The following DEUP1 variants were observed in gnomAD, a reference collection of about 807,000 sequenced individuals.
DEUP1 encodes the protein coiled-coil domain containing 67.
In DEUP1, 82 loss-of-function variants were observed where a neutral mutation model predicts 87.4. The observed-to-expected ratio is 0.94, with a 90% CI of 0.78 to 1.13. The LOEUF is 1.13. Ranked by LOEUF, DEUP1 falls within the 50% of genes most tolerant of loss-of-function variation. The probability of loss-of-function intolerance (pLI) is 0.00; values close to 1 mark genes in which losing one functional copy is unlikely to be tolerated. For missense variants in DEUP1, 663 were observed against 681.5 expected (o/e 0.97, Z 0.30); for synonymous variants, 214 against 222.7 (o/e 0.96, Z 0.35).
chr11:93,339,274 A>G (rs368090043), intron 2 of DEUP1, among the ~76,000 whole-genome samples: 251 of 152,366 alleles, frequency 1.6e-3, no homozygotes, highest in African/African-American at 5.6e-3. Context: ...TGGCCAACCC[A>G]TAGTGCCGTG....
chr11:93,415,117 G>A lies in DEUP1; in HGVS notation c.1638+3G>A, dbSNP rs1412414073. On this transcript the variant is annotated splice_donor_region_variant and intron_variant, in intron 13 of 13. Transcript: ENST00000298050. ...GTGATGATGATGTATTCCCACTGGT[G>A]AGTTGCTGGTTGTGGGCTTTTTTTT... is the stretch of plus-strand genomic sequence containing the variant. The A allele has an allele frequency of 6.3e-7, 1 of 1,590,598 alleles. No homozygotes were observed. The highest frequency in any genetic ancestry group is 8.6e-7 in the Non-Finnish European group (1 of 1,160,668).
chr11:93,373,650 T>TATATAC (rs1239179001), intron 7 of DEUP1, among the ~76,000 whole-genome samples: 1 of 140,468 alleles, frequency 7.1e-6, no homozygotes, highest in Non-Finnish European at 1.6e-5. Flanking sequence ...TATATATATA[T>TATATAC]ACGTATATAT....
rs1946687681 is a variant in DEUP1, at chr11:93,389,158, T to G, written c.1041+33T>G. On this transcript the variant is annotated intron_variant, in intron 9 of 13. Coordinates refer to ENST00000298050, the MANE Select transcript of DEUP1 (RefSeq NM_181645.4). Reference sequence around the variant, plus strand: ...AAATAATGAGCTCCATTCTTCCAGGTAGATGTGAACTCTTTACATACAAAG... The same window carrying G: ...AAATAATGAGCTCCATTCTTCCAGGGAGATGTGAACTCTTTACATACAAAG... 3 of 1,232,048 alleles carry G rather than the reference T, an allele frequency of 2.4e-6. No individual in the cohort carries two copies. In the South Asian group the frequency reaches 4.1e-5, roughly 17 times the overall value. 76.3% of individuals were successfully genotyped at this position (1,232,048 alleles called of 1,614,324 possible).
intron 2 of DEUP1, among the ~76,000 whole-genome samples, chr11:93,352,848 AC>A (rs1944693408): frequency 6.6e-6 from 1 of 152,004 alleles, no homozygotes; most frequent in Admixed American, 6.6e-5. Context: ...TTACCTCCCC[AC>A]CCCAGGTCTC....
At chr11:93,382,965 G>T (rs61919178) in intron 7 of DEUP1, among the ~76,000 whole-genome samples, 36,821 of 152,048 alleles carry the variant, frequency 0.24, 4,788 homozygotes, top group South Asian at 0.37. Context: ...AAGTTCTGGG[G>T]CTAAAGTAAT....
At chr11:93,341,196 T>C (rs1044449298) in intron 2 of DEUP1, among the ~76,000 whole-genome samples, 3 of 151,962 alleles carry the variant, frequency 2.0e-5, no homozygotes, top group Admixed American at 6.6e-5. Flanking sequence ...GGCAGGAGGA[T>C]TGCTTGGCAC....
chr11:93,397,958 G>A (rs1044665960), intron 11 of DEUP1, among the ~76,000 whole-genome samples: 2 of 151,756 alleles, frequency 1.3e-5, no homozygotes, highest in African/African-American at 4.8e-5. Context: ...TTACATAAGG[G>A]CAATTTTAGT....
chr11:93,420,400 A>G (rs1409650579), intron 13 of DEUP1, among the ~76,000 whole-genome samples: 1 of 152,262 alleles, frequency 6.6e-6, no homozygotes, highest in Admixed American at 6.5e-5. Flanking sequence ...TTAGGTATTC[A>G]TGGGACGTAT....
At chr11:93,393,012 TCCTCCTCTGAGC>T (rs1946815671) in intron 9 of DEUP1, among the ~76,000 whole-genome samples, 1 of 124,626 alleles carries the variant, frequency 8.0e-6, no homozygotes, top group South Asian at 3.1e-4. Flanking sequence ...TTTCTCCTCC[TCCTCCTCTGAGC>T]CCTCCTCCTC....
At chr11:93,399,753 A>T (rs1947059892) in intron 11 of DEUP1, among the ~76,000 whole-genome samples, 2 of 151,866 alleles carry the variant, frequency 1.3e-5, no homozygotes, top group South Asian at 2.1e-4. Flanking sequence ...CTTTTCTGAG[A>T]TACAAAATCA....
intron 12 of DEUP1, 123 bp from the exon 13 acceptor site, chr11:93,414,877 A>G: frequency 2.2e-6 from 1 of 460,496 alleles, no homozygotes; most frequent in South Asian, 6.2e-5. Flanking sequence ...CACCCAGGTA[A>G]CAAGCCCAAA....
chr11:93,344,348 T>C (rs1038483267), intron 2 of DEUP1, among the ~76,000 whole-genome samples: 2 of 152,142 alleles, frequency 1.3e-5, no homozygotes, highest in Admixed American at 6.6e-5. Flanking sequence ...CAAATAAGTA[T>C]GTAATATATT....
At chr11:93,359,776 C>A (rs983095417) in intron 4 of DEUP1, among the ~76,000 whole-genome samples, 1 of 152,168 alleles carries the variant, frequency 6.6e-6, no homozygotes, top group African/African-American at 2.4e-5. Flanking sequence ...ACAACAACAA[C>A]AAAAACTATA....
intron 7 of DEUP1, among the ~76,000 whole-genome samples, chr11:93,374,611 G>T (rs1265364187): frequency 1.3e-5 from 2 of 151,982 alleles, no homozygotes; most frequent in Admixed American, 6.6e-5. Context: ...TTTATTTCTG[G>T]GTTCTCTATT....
chr11:93,427,460 A>G (rs1947957660), intron 13 of DEUP1, among the ~76,000 whole-genome samples: 1 of 152,124 alleles, frequency 6.6e-6, no homozygotes, highest in African/African-American at 2.4e-5. Flanking sequence ...CTTACACCTT[A>G]TACAAAAATT....
intron 8 of DEUP1, among the ~76,000 whole-genome samples, chr11:93,386,568 TCTTCAAAGTTGTGAGAC>T (rs1335837947): frequency 1.4e-4 from 22 of 152,210 alleles, no homozygotes; most frequent in African/African-American, 5.1e-4. Flanking sequence ...AATAATTATT[TCTTCAAAGTTGTGAGAC>T]CTTCAAAGTT....
chr11:93,366,525 C>T (rs1359737043), intron 5 of DEUP1, among the ~76,000 whole-genome samples: 1 of 152,138 alleles, frequency 6.6e-6, no homozygotes, highest in Admixed American at 6.5e-5. Context: ...GTGACAACTC[C>T]AGTCTCTATA....
chr11:93,435,934 T>C (rs1046972539), intron 13 of DEUP1, among the ~76,000 whole-genome samples: 31 of 150,302 alleles, frequency 2.1e-4, no homozygotes, highest in African/African-American at 7.4e-4. Context: ...AGGTGGAGCT[T>C]GCAGTGAGCC....
chr11:93,336,229 C>A (rs568875843), intron 2 of DEUP1, among the ~76,000 whole-genome samples: 13 of 152,196 alleles, frequency 8.5e-5, no homozygotes, highest in African/African-American at 2.4e-4. Flanking sequence ...TTTTATGTGG[C>A]CAGAGCAGGA....
Sources: allele counts gnomAD v4.1 joint callset (sites outside exome capture counted in the v4.1 genomes callset), GRCh38; gene constraint gnomAD v4.1.1; transcripts MANE v1.5; gene names NCBI Gene and HGNC (gene_info 2026-07-23, HGNC 2026-07-21).